Variants in CFAP221 observed in about 807,000 individuals in gnomAD.
The protein encoded by CFAP221 is cilia- and flagella-associated protein 221.
CFAP221 carries 97 observed loss-of-function variants against 113.1 expected under a neutral mutation model. The ratio of observed to expected loss-of-function variants is 0.86; its 90% CI spans 0.73 to 1.02. The LOEUF (loss-of-function observed/expected upper bound fraction) is 1.02, where lower values mean the gene tolerates loss of function less well. Among genes scored for constraint, CFAP221 ranks in the 50% least tolerant of loss-of-function variants. The pLI, the probability that CFAP221 is intolerant of heterozygous loss-of-function variation, is 0.00. For synonymous variants in CFAP221, 331 were observed against 354.4 expected, an observed-to-expected ratio of 0.93 and a Z score of 0.74; for missense variants, 1,025 against 1,013.4, an observed-to-expected ratio of 1.01 and a Z score of -0.16.
At chr2:119,618,726 A>G (rs1685689700) in intron 14 of CFAP221, among the ~76,000 whole-genome samples, 2 of 152,154 alleles carry the variant, frequency 1.3e-5, no homozygotes, top group African/African-American at 2.4e-5. Flanking sequence ...CTAGAATGCC[A>G]GTGAGACAGA....
intron 19 of CFAP221, among the ~76,000 whole-genome samples, chr2:119,632,050 A>G (rs952944919): frequency 6.6e-6 from 1 of 152,320 alleles, no homozygotes; most frequent in East Asian, 1.9e-4. Flanking sequence ...CTCCAGGCCC[A>G]GAGGCCTTCA....
At chr2:119,549,547 AAAAGATTAAAT>A (rs1238194626) in intron 3 of CFAP221, among the ~76,000 whole-genome samples, 1 of 152,240 alleles carries the variant, frequency 6.6e-6, no homozygotes, top group East Asian at 1.9e-4. Context: ...CAGAGACTCC[AAAAGATTAAAT>A]AATTTATTCA....
intron 14 of CFAP221, among the ~76,000 whole-genome samples, chr2:119,617,572 A>C (rs1188549598): frequency 6.6e-6 from 1 of 152,246 alleles, no homozygotes; most frequent in Non-Finnish European, 1.5e-5. Context: ...TGTTCTGAGT[A>C]ATGGCTCAGA....
intron 6 of CFAP221, among the ~76,000 whole-genome samples, chr2:119,582,409 C>T (rs921761396): frequency 2.0e-5 from 3 of 151,304 alleles, no homozygotes; most frequent in Non-Finnish European, 2.9e-5. Flanking sequence ...GATAGAAATA[C>T]TAGGTATGTT....
chr2:119,605,084 G>T, intron 10 of CFAP221, 97 bp downstream of exon 10: 1 of 1,461,356 alleles, frequency 6.8e-7, no homozygotes, highest in South Asian at 1.2e-5. Context: ...AATTCAGTTA[G>T]ATTGCTGTTA....
chr2:119,615,938 T>C (rs1685494155), intron 14 of CFAP221, among the ~76,000 whole-genome samples: 2 of 152,194 alleles, frequency 1.3e-5, no homozygotes, highest in Non-Finnish European at 2.9e-5. Flanking sequence ...CTTGGTGCCA[T>C]TTTCAGTCAC....
At chr2:119,648,381 A>G in intron 22 of CFAP221, 1 of 223,464 alleles carries the variant, frequency 4.5e-6, no homozygotes, top group South Asian at 5.3e-5. Context: ...CAAGTGTAGA[A>G]AATGAATACA....
rs866839980 is a variant in CFAP221 at position 119,601,458 on chromosome 2, T to C, written c.791+81T>C. 13 of 1,273,454 alleles carry C rather than the reference T, an allele frequency of 1.0e-5. No individual in the cohort carries two copies. In the Middle Eastern group the frequency reaches 2.3e-3, roughly 228 times the overall value. The allele number at this position is 1,273,454 out of a possible 1,614,324, so 78.9% of individuals were successfully genotyped here. On this transcript the variant is annotated intron_variant, in intron 8 of 23. Transcript: ENST00000413369. ...GTCTTCCTTTCTTCCATTCTGTCTT[T>C]CTTGTAAAAGAATGTCATCAAAAAC...
downstream of CFAP221, chr2:119,656,737 C>T (rs527870155): frequency 9.1e-5 from 21 of 229,888 alleles, no homozygotes; most frequent in African/African-American, 1.8e-4. Context: ...GACTAAGAGC[C>T]GGGCACTGGC....
chr2:119,640,214 CA>C (rs11403185), intron 21 of CFAP221, among the ~76,000 whole-genome samples: 58 of 143,260 alleles, frequency 4.0e-4, no homozygotes, highest in African/African-American at 1.1e-3. Context: ...CATCTCAAAA[CA>C]AAAAAAAAAA....
chr2:119,627,156 T>A (rs1008404641), intron 15 of CFAP221, among the ~76,000 whole-genome samples: 16 of 152,004 alleles, frequency 1.1e-4, no homozygotes, highest in Admixed American at 5.2e-4. Context: ...GGCTCAGCCT[T>A]CCCCATCCTC....
intron 21 of CFAP221, 91 bp from the exon 22 acceptor site, chr2:119,646,867 A>G (rs2104806142): frequency 1.7e-6 from 2 of 1,154,210 alleles, no homozygotes; most frequent in Non-Finnish European, 2.5e-6. Context: ...CCTCGCCAGC[A>G]GTAAAATAAA....
At chr2:119,591,922 G>A (rs1163964104) in intron 7 of CFAP221, among the ~76,000 whole-genome samples, 1 of 152,104 alleles carries the variant, frequency 6.6e-6, no homozygotes, top group Non-Finnish European at 1.5e-5. Flanking sequence ...AGCCACTCCA[G>A]GTGTAAAGTA....
intron 22 of CFAP221, among the ~76,000 whole-genome samples, chr2:119,649,943 A>G (rs1447888369): frequency 6.6e-6 from 1 of 152,224 alleles, no homozygotes; most frequent in African/African-American, 2.4e-5. Context: ...CTTAACACAT[A>G]AAAACTTTTG....
In CFAP221 at chr2:119,570,840, C is replaced by T. The variant is rs117924319; in HGVS notation, c.527+8726C>T. On this transcript the variant is annotated intron_variant, in intron 6 of 23. Coordinates refer to ENST00000413369, the MANE Select transcript of CFAP221 (RefSeq NM_001271049.2). The stretch of plus-strand genomic sequence containing the variant: ...CAATTATGAATAATGGTGCTATGAA[C>T]ATTTGTGTATATGTTTTTATAAGGA... Among the ~76,000 whole-genome samples, 10 of 152,226 alleles carry T rather than the reference C, an allele frequency of 6.6e-5. No homozygotes were observed. The East Asian group carries it at 1.4e-3, about 21-fold the overall frequency.
intron 8 of CFAP221, chr2:119,602,795 G>T: frequency 4.1e-6 from 4 of 984,450 alleles, no homozygotes; most frequent in Non-Finnish European, 3.6e-6. Context: ...CTTCACATCA[G>T]GTGCTACAAT....
intron 3 of CFAP221, among the ~76,000 whole-genome samples, chr2:119,551,314 C>T (rs1045733346): frequency 1.3e-5 from 2 of 152,180 alleles, no homozygotes; most frequent in African/African-American, 2.4e-5. Context: ...CTGTGGCTGC[C>T]ATACCACAAA....
chr2:119,556,354 T>G (rs891020305), intron 3 of CFAP221: 3 of 152,212 alleles, frequency 2.0e-5, no homozygotes, highest in African/African-American at 7.2e-5. Flanking sequence ...TCCTATTAAC[T>G]AAATATCTAC....
intron 5 of CFAP221, 137 bp from the exon 6 acceptor site, chr2:119,561,874 ATGT>A: frequency 1.5e-6 from 1 of 651,900 alleles, no homozygotes. Flanking sequence ...AGTATGTCTA[ATGT>A]TGTAGTTAAG....
Sources: gnomAD v4.1 joint callset for allele counts (sites outside exome capture counted in the v4.1 genomes callset) on GRCh38, gnomAD v4.1.1 for gene constraint, MANE v1.5 for transcripts, NCBI Gene and HGNC (gene_info 2026-07-23, HGNC 2026-07-21) for gene names.